KIFC3: variants seen among roughly 807,000 people sequenced by gnomAD.
The protein encoded by KIFC3 is kinesin-like protein KIFC3.
KIFC3 carries 60 observed loss-of-function variants against 101.8 expected under a neutral mutation model. The observed-to-expected ratio is 0.59, with a 90% confidence interval of 0.48 to 0.73. KIFC3 has a LOEUF of 0.73. KIFC3 is among the 30% of genes least tolerant of loss of function. KIFC3 has a pLI of 0.00. For missense variants in KIFC3, 966 were observed against 1,137.1 expected, an observed-to-expected ratio of 0.85 and a Z score of 2.16; for synonymous variants, 476 against 482.7, an observed-to-expected ratio of 0.99 and a Z score of 0.18.
chr16:57,820,482 G>C (rs1300342287), intron 1 of KIFC3, among the ~76,000 whole-genome samples: 4 of 152,036 alleles, frequency 2.6e-5, no homozygotes, highest in African/African-American at 4.8e-5. Flanking sequence ...ACTGTGTTTT[G>C]TTGCCCAGGC....
chr16:57,846,165 CA>C (rs1340949059), intron 1 of KIFC3, among the ~76,000 whole-genome samples: 1 of 152,200 alleles, frequency 6.6e-6, no homozygotes, highest in African/African-American at 2.4e-5. Context: ...GCTGGACCTC[CA>C]GGGGCTGGTG....
intron 3 of KIFC3, among the ~76,000 whole-genome samples, chr16:57,784,320 G>T (rs1037403645): frequency 1.3e-5 from 2 of 152,196 alleles, no homozygotes; most frequent in African/African-American, 4.8e-5. Context: ...AAGCTGTGGG[G>T]TAAGTGTGTA....
At chr16:57,841,092 C>T (rs1440128360) in intron 1 of KIFC3, among the ~76,000 whole-genome samples, 1 of 152,142 alleles carries the variant, frequency 6.6e-6, no homozygotes, top group Non-Finnish European at 1.5e-5. Flanking sequence ...CTGGACCTTG[C>T]GTTATCAGCA....
chr16:57,797,799 AATGCAGCTGATTCCCCCTGCTCT>A, intron 2 of KIFC3: 2 of 1,360,956 alleles, frequency 1.5e-6, no homozygotes, highest in South Asian at 3.1e-5. Flanking sequence ...GGCCAGAGGG[AATGCAGCTGATTCCCCCTGCTCT>A]GTGCCCGACC....
intron 1 of KIFC3, among the ~76,000 whole-genome samples, chr16:57,822,202 C>T (rs2055364267): frequency 6.6e-6 from 1 of 152,208 alleles, no homozygotes; most frequent in Non-Finnish European, 1.5e-5. Context: ...CCTTTCGGGG[C>T]TGAGCACCCT....
intron 1 of KIFC3, among the ~76,000 whole-genome samples, chr16:57,854,317 A>T (rs1272326665): frequency 6.6e-6 from 1 of 152,186 alleles, no homozygotes; most frequent in Non-Finnish European, 1.5e-5. Context: ...ATATATAATG[A>T]TATAGGTATG....
intron 1 of KIFC3, among the ~76,000 whole-genome samples, chr16:57,814,193 C>T (rs1457815294): frequency 6.6e-6 from 1 of 152,154 alleles, no homozygotes; most frequent in African/African-American, 2.4e-5. Flanking sequence ...TTGAATTTTT[C>T]ATATGCTCCA....
chr16:57,781,906 A>G (rs1205597504), intron 3 of KIFC3: 1 of 984,352 alleles, frequency 1.0e-6, no homozygotes, highest in Non-Finnish European at 1.2e-6. Flanking sequence ...CCCTTGCAGA[A>G]CCCTCACCCT....
At chr16:57,795,404 G>C (rs1555622326) in intron 2 of KIFC3, among the ~76,000 whole-genome samples, 4 of 152,338 alleles carry the variant, frequency 2.6e-5, no homozygotes, top group East Asian at 1.9e-4. Flanking sequence ...CCCACCGGAG[G>C]CTCCCCTATC....
chr16:57,775,568 G>C (rs1162331417), intron 3 of KIFC3: 4 of 985,966 alleles, frequency 4.1e-6, no homozygotes, highest in Non-Finnish European at 4.8e-6. Flanking sequence ...CCTGGGAGCA[G>C]TGAGAGCCAA....
intron 1 of KIFC3, chr16:57,846,458 G>A (rs2055920655): frequency 6.6e-6 from 1 of 152,408 alleles, no homozygotes; most frequent in South Asian, 2.1e-4. Flanking sequence ...TAACAGAAGA[G>A]GGCTTGCGGC....
chr16:57,798,613 C>CGCGAGTCAGCAGCATCT (rs1177947060), intron 1 of KIFC3: 4 of 415,900 alleles, frequency 9.6e-6, no homozygotes, highest in Non-Finnish European at 1.3e-5. Context: ...GAGGAGGCAC[C>CGCGAGTCAGCAGCATCT]GCGAGTCAGC....
Position 57,764,256 on chromosome 16 carries a change from GT to G in KIFC3, c.1513-10del. ...TGCACCTCCTGGAACACCTGGGAGGGTGGTGGGAGGGAGGCTGGTGGGGGGG... is the reference window on the plus strand; with the variant it reads ...TGCACCTCCTGGAACACCTGGGAGGGGGTGGGAGGGAGGCTGGTGGGGGGG... On this transcript the variant is annotated splice_polypyrimidine_tract_variant and intron_variant, in intron 11 of 19. Transcript: ENST00000445690. The G allele has an allele frequency of 1.3e-6, 2 of 1,522,044 alleles. No individual in the cohort carries two copies. Among genetic ancestry groups the G allele is most frequent in the Non-Finnish European group, 9.0e-7 (1 of 1,105,814 alleles). The allele number at this position is 1,522,044 out of a possible 1,614,324, so 94.3% of individuals were successfully genotyped here. A position where few individuals can be genotyped will look rare whatever the true frequency, so the allele number is the denominator to read the frequency against.
chr16:57,823,552 G>T (rs2055395501), intron 1 of KIFC3, among the ~76,000 whole-genome samples: 1 of 152,188 alleles, frequency 6.6e-6, no homozygotes, highest in South Asian at 2.1e-4. Context: ...GAAACATACA[G>T]TGAAGTATTC....
rs1555590917 is a variant in KIFC3 at position 57,758,608 on chromosome 16, A to G, written c.*326T>C. The G allele has an allele frequency of 4.3e-6, 3 of 690,424 alleles. No individual in the cohort carries two copies. The highest frequency in any genetic ancestry group is 4.0e-5 in the Admixed American group (2 of 49,510). 42.8% of individuals were successfully genotyped at this position (690,424 alleles called of 1,614,324 possible). A position where few individuals can be genotyped will look rare whatever the true frequency, so the allele number is the denominator to read the frequency against. ...CCGAGAAAGCCTGGGTGAGAGGCCC[A>G]CCCTCCTCCACACTCCCGCCCTCCT... On this transcript the variant is annotated 3_prime_UTR_variant, in exon 20 of 20. Transcript: ENST00000445690.
chr16:57,798,366 G>T, intron 1 of KIFC3, 84 bp from the exon 2 acceptor site: 4 of 1,247,056 alleles, frequency 3.2e-6, no homozygotes, highest in Non-Finnish European at 3.4e-6. Flanking sequence ...ATCTGGAAGG[G>T]TCTACGCCCC....
At chr16:57,818,437 T>C (rs2055278499) in intron 1 of KIFC3, among the ~76,000 whole-genome samples, 1 of 152,150 alleles carries the variant, frequency 6.6e-6, no homozygotes. Context: ...CAATCACAGC[T>C]CACTGCAGTG....
intron 2 of KIFC3, among the ~76,000 whole-genome samples, chr16:57,795,868 TTTTTTGGGC>T (rs1440403824): frequency 1.4e-5 from 2 of 147,660 alleles, no homozygotes; most frequent in Non-Finnish European, 3.0e-5. Context: ...CACATTCTGT[TTTTTTGGGC>T]TTTTTTGTTT....
In KIFC3 at chr16:57,760,304, C is replaced by T; in HGVS notation, c.2345G>A (p.Trp782Ter). 6.2e-7 allele frequency: 1 copy of T among 1,613,634 alleles called. No individual in the cohort carries two copies. The highest frequency in any genetic ancestry group is 8.5e-7 in the Non-Finnish European group (1 of 1,179,812). ...TACCTCTAGATGCTCCTGGCTTGACCAGGACCCAAGCTCTGCCCTGCGTAG... is the reference window on the plus strand; with the variant it reads ...TACCTCTAGATGCTCCTGGCTTGACTAGGACCCAAGCTCTGCCCTGCGTAG... ...PGLRRAELGS[W>*]SSQEHLEWEP... Residue 782 changes from tryptophan (W) to a stop codon, truncating the protein, a stop_gained, in exon 17 of 20, where the codon TGG (tryptophan) becomes TAG (stop). Transcript: ENST00000445690. LOFTEE classifies it high-confidence loss of function.
Sources: allele counts gnomAD v4.1 joint callset (sites outside exome capture counted in the v4.1 genomes callset), GRCh38; gene constraint gnomAD v4.1.1; transcripts MANE v1.5; gene names NCBI Gene and HGNC (gene_info 2026-07-23, HGNC 2026-07-21).